Variants in SHISA9 observed in about 807,000 individuals in gnomAD.
SHISA9 encodes the protein shisa family member 9.
SHISA9 carries 13 observed loss-of-function variants against 38.0 expected under a neutral mutation model. The ratio of observed to expected loss-of-function variants is 0.34; its 90% CI spans 0.22 to 0.54. The LOEUF (loss-of-function observed/expected upper bound fraction) is 0.54, where lower values mean the gene tolerates loss of function less well. Among genes scored for constraint, SHISA9 ranks in the 20% least tolerant of loss-of-function variants. The pLI is 0.91. For synonymous variants in SHISA9, 275 were observed against 242.0 expected (o/e 1.14, Z -1.27); for missense variants, 538 against 575.8 (o/e 0.93, Z 0.67).
At chr16:13,465,547 C>T in the SHISA9 span, among the ~76,000 whole-genome samples, 4 of 152,182 alleles carry the variant, frequency 2.6e-5, no homozygotes, top group African/African-American at 9.7e-5. Context: ...AGAAGTTGAA[C>T]TGCAATATAG....
chr16:13,395,749 G>A, the SHISA9 span, among the ~76,000 whole-genome samples: 4 of 152,174 alleles, frequency 2.6e-5, no homozygotes, highest in East Asian at 1.9e-4. Flanking sequence ...CGAGGGAGTC[G>A]ATAAATATTT....
chr16:12,983,983 C>G (rs2072274469), intron 2 of SHISA9, among the ~76,000 whole-genome samples: 1 of 152,164 alleles, frequency 6.6e-6, no homozygotes, highest in Admixed American at 6.5e-5. Context: ...TACATTGGTA[C>G]CCATTCTACT....
chr16:13,379,744 T>C, the SHISA9 span, among the ~76,000 whole-genome samples: 944 of 152,308 alleles, frequency 6.2e-3, 2 homozygotes, highest in African/African-American at 0.02. Flanking sequence ...TCTTCTTCTG[T>C]TATCAAATGC....
the SHISA9 span, among the ~76,000 whole-genome samples, chr16:13,397,164 A>T: frequency 6.6e-6 from 1 of 152,242 alleles, no homozygotes; most frequent in African/African-American, 2.4e-5. Flanking sequence ...ATATAACATA[A>T]AACATATGTG....
At chr16:13,153,672 C>T (rs766137780) in intron 2 of SHISA9, among the ~76,000 whole-genome samples, 5 of 152,154 alleles carry the variant, frequency 3.3e-5, no homozygotes, top group Non-Finnish European at 7.3e-5. Context: ...AAATGTGGCC[C>T]TCCGGAGGGT....
intron 2 of SHISA9, among the ~76,000 whole-genome samples, chr16:13,138,747 C>T (rs1026914659): frequency 2.0e-5 from 3 of 152,196 alleles, no homozygotes; most frequent in Admixed American, 6.5e-5. Flanking sequence ...AGAATTGCTG[C>T]CCTATGAGTC....
intron 2 of SHISA9, among the ~76,000 whole-genome samples, chr16:13,058,507 C>A (rs1253691125): frequency 6.6e-6 from 1 of 152,170 alleles, no homozygotes; most frequent in Non-Finnish European, 1.5e-5. Context: ...TACCATTATT[C>A]CTATTTTCCA....
chr16:13,258,162 C>T, the SHISA9 span, among the ~76,000 whole-genome samples: 2 of 152,122 alleles, frequency 1.3e-5, no homozygotes, highest in Non-Finnish European at 2.9e-5. Context: ...TCCATTTGGA[C>T]ACAGTAAAGG....
At chr16:13,362,859 A>C in the SHISA9 span, among the ~76,000 whole-genome samples, 6 of 152,288 alleles carry the variant, frequency 3.9e-5, no homozygotes, top group South Asian at 1.2e-3. Context: ...AAGTCCAGGC[A>C]CTGAGAATTT....
chr16:13,202,571 C>A lies in SHISA9; in HGVS notation c.692-823C>A, dbSNP rs2051016178. Among the ~76,000 whole-genome samples, 4 of 146,608 alleles carry A rather than the reference C, an allele frequency of 2.7e-5. 2 individuals are homozygous for A. ...TACTATTTGCTTTCCTTTAAAGCTTCCTTTTTTCCCTTTAACAATATAAAC... is the reference window on the plus strand; with the variant it reads ...TACTATTTGCTTTCCTTTAAAGCTTACTTTTTTCCCTTTAACAATATAAAC... On this transcript the variant is annotated intron_variant, in intron 2 of 4. Coordinates refer to ENST00000558583, the MANE Select transcript of SHISA9 (RefSeq NM_001145204.3).
intron 2 of SHISA9, among the ~76,000 whole-genome samples, chr16:13,071,600 C>CCTCCCTTCCTT (rs372979908): frequency 6.9e-6 from 1 of 145,166 alleles, no homozygotes; most frequent in African/African-American, 2.6e-5. Context: ...TTCCTTCCTT[C>CCTCCCTTCCTT]CCTTTCTTCC....
chr16:13,056,878 G>A (rs994504583), intron 2 of SHISA9, among the ~76,000 whole-genome samples: 12 of 152,316 alleles, frequency 7.9e-5, no homozygotes, highest in African/African-American at 2.4e-4. Context: ...TTAACACCTC[G>A]CTGTTAGCAG....
intron 2 of SHISA9, among the ~76,000 whole-genome samples, chr16:13,096,938 C>A (rs1009870430): frequency 1.3e-5 from 2 of 152,126 alleles, no homozygotes; most frequent in African/African-American, 4.8e-5. Context: ...CTGTTCCCTA[C>A]ACTATATTCC....
At chr16:13,249,620 C>T in the SHISA9 span, among the ~76,000 whole-genome samples, 34 of 152,146 alleles carry the variant, frequency 2.2e-4, no homozygotes, top group African/African-American at 8.0e-4. Context: ...CTTCCTTATA[C>T]ATTTTTTCTC....
chr16:13,168,483 T>C (rs2050657165), intron 2 of SHISA9, among the ~76,000 whole-genome samples: 1 of 152,204 alleles, frequency 6.6e-6, no homozygotes, highest in Admixed American at 6.5e-5. Flanking sequence ...AATCACATGG[T>C]CCATGTCTAC....
intron 2 of SHISA9, among the ~76,000 whole-genome samples, chr16:13,200,882 C>T (rs2051000506): frequency 7.4e-6 from 1 of 135,468 alleles, no homozygotes; most frequent in South Asian, 2.3e-4. Flanking sequence ...GGTATCTCTG[C>T]CTGTTTCCAT....
At chr16:13,425,657 A>C in the SHISA9 span, among the ~76,000 whole-genome samples, 1 of 152,218 alleles carries the variant, frequency 6.6e-6, no homozygotes, top group African/African-American at 2.4e-5. Context: ...TGCACATGTA[A>C]CCTCGATCTA....
chr16:13,159,960 C>T (rs1596690856), intron 2 of SHISA9, among the ~76,000 whole-genome samples: 1 of 152,242 alleles, frequency 6.6e-6, no homozygotes, highest in Non-Finnish European at 1.5e-5. Flanking sequence ...AACTAGCTAT[C>T]TGCTGTCAGA....
the SHISA9 span, among the ~76,000 whole-genome samples, chr16:13,455,259 T>G: frequency 1.3e-5 from 2 of 152,188 alleles, no homozygotes; most frequent in Admixed American, 6.5e-5. Context: ...TCCCAGTAAA[T>G]GAAGCAGCCT....
Sources: allele counts gnomAD v4.1 joint callset (sites outside exome capture counted in the v4.1 genomes callset), GRCh38; gene constraint gnomAD v4.1.1; transcripts MANE v1.5; gene names NCBI Gene and HGNC (gene_info 2026-07-23, HGNC 2026-07-21).